Variants in ALLC observed in about 807,000 individuals in gnomAD.
ALLC encodes the protein allantoicase.
In ALLC, 40 loss-of-function variants were observed where a neutral mutation model predicts 45.0. That is an observed-to-expected ratio of 0.89 (90% CI 0.69 to 1.16). The LOEUF (loss-of-function observed/expected upper bound fraction) is 1.16. Among genes scored for constraint, ALLC ranks in the 50% most tolerant of loss-of-function variants. The pLI is 0.00. For synonymous variants in ALLC, 176 were observed against 178.1 expected (o/e 0.99, Z 0.09); for missense variants, 488 against 493.1 (o/e 0.99, Z 0.10).
intron 7 of ALLC, among the ~76,000 whole-genome samples, chr2:3,693,182 G>T (rs1667566495): frequency 6.6e-6 from 1 of 152,156 alleles, no homozygotes; most frequent in African/African-American, 2.4e-5. Context: ...CATTTCCAGA[G>T]ACCTGAAGTG....
At chr2:3,691,672 A>C (rs929945641) in intron 7 of ALLC, among the ~76,000 whole-genome samples, 5 of 152,134 alleles carry the variant, frequency 3.3e-5, no homozygotes, top group Non-Finnish European at 7.4e-5. Flanking sequence ...TCAAGTTTTG[A>C]AAAGTTTTCT....
At chr2:3,652,715 T>TG in the ALLC span, among the ~76,000 whole-genome samples, 1 of 151,296 alleles carries the variant, frequency 6.6e-6, no homozygotes, top group East Asian at 2.0e-4. Flanking sequence ...CCCAAGTAGC[T>TG]GGGACTATAG....
intron 7 of ALLC, among the ~76,000 whole-genome samples, chr2:3,690,680 A>C (rs1463412117): frequency 6.6e-6 from 1 of 151,748 alleles, no homozygotes; most frequent in Non-Finnish European, 1.5e-5. Flanking sequence ...AAAACAAAAA[A>C]AAACTCTACA....
chr2:3,656,903 C>G (rs747200941), upstream of ALLC, among the ~76,000 whole-genome samples: 5 of 151,946 alleles, frequency 3.3e-5, no homozygotes, highest in Admixed American at 2.6e-4. Context: ...CTAGGCTTAG[C>G]GAAACCACGA....
chr2:3,698,554 T>C (rs781547040), intron 10 of ALLC, among the ~76,000 whole-genome samples: 4 of 152,238 alleles, frequency 2.6e-5, no homozygotes, highest in Non-Finnish European at 4.4e-5. Flanking sequence ...TAAAAAATAT[T>C]TGGACAAACA....
rs771411217 is a variant in ALLC at position 3,678,547 on chromosome 2, G to A, written c.164G>A (p.Arg55Lys). The A allele has an allele frequency of 6.2e-7, 1 of 1,613,704 alleles. No homozygotes were observed. ...GATGGCTGGGAGACCAGGAGGAAAA[G>A]GATTCCAGGTAATAACAACGGTTCG... ...WMDGWETRRKRIPGHDWCVLR... is the reference protein window; with the variant it reads ...WMDGWETRRKKIPGHDWCVLR... The change falls in exon 4 of 12, where the codon AGG (arginine) becomes AAG (lysine). Residue 55 changes from arginine to lysine, a missense_variant. By Grantham distance (26) the Arg-to-Lys change is conservative. Transcript: ENST00000252505.
At chr2:3,701,166 TAGC>T (rs1469182316) in intron 10 of ALLC, among the ~76,000 whole-genome samples, 1 of 152,222 alleles carries the variant, frequency 6.6e-6, no homozygotes, top group Non-Finnish European at 1.5e-5. Flanking sequence ...ATGAGCCACA[TAGC>T]AGTCTGCAAG....
the ALLC span, among the ~76,000 whole-genome samples, chr2:3,649,986 C>CGA: frequency 6.6e-6 from 1 of 152,266 alleles, no homozygotes; most frequent in Admixed American, 6.5e-5. Context: ...TCAGCAGCGT[C>CGA]TAAGACGTTT....
chr2:3,700,272 T>C (rs1265274101), intron 10 of ALLC, among the ~76,000 whole-genome samples: 2 of 152,228 alleles, frequency 1.3e-5, no homozygotes, highest in African/African-American at 4.8e-5. Context: ...TCCCCATTGC[T>C]TGTTTTTTTA....
intron 7 of ALLC, among the ~76,000 whole-genome samples, chr2:3,689,228 C>T (rs1393709022): frequency 1.3e-5 from 2 of 150,634 alleles, no homozygotes; most frequent in Admixed American, 1.3e-4. Context: ...ATCCTCTGAT[C>T]TTTATTTTTT....
At chr2:3,665,842 C>T (rs1010232699) in intron 1 of ALLC, among the ~76,000 whole-genome samples, 1 of 152,126 alleles carries the variant, frequency 6.6e-6, no homozygotes, top group African/African-American at 2.4e-5. Flanking sequence ...AATGGGATTG[C>T]TGGGTCAAAT....
chr2:3,701,824 A>G (rs1667849418), intron 11 of ALLC, among the ~76,000 whole-genome samples, 188 bp downstream of exon 11: 1 of 152,198 alleles, frequency 6.6e-6, no homozygotes, highest in Non-Finnish European at 1.5e-5. Context: ...GTATTTCCAA[A>G]TTTTATTAGA....
chr2:3,697,313 G>T, intron 9 of ALLC, 35 bp from the exon 10 acceptor site: 1 of 1,565,224 alleles, frequency 6.4e-7, no homozygotes, highest in Non-Finnish European at 8.8e-7. Flanking sequence ...ATGACTCCAA[G>T]TTCGTTTACC....
chr2:3,681,085 C>A (rs750251801), intron 5 of ALLC, among the ~76,000 whole-genome samples: 2 of 152,140 alleles, frequency 1.3e-5, no homozygotes, highest in Non-Finnish European at 2.9e-5. Flanking sequence ...ATGTGCACAG[C>A]GCTGCATGAG....
At chr2:3,646,061 C>A in the ALLC span, among the ~76,000 whole-genome samples, 3 of 152,128 alleles carry the variant, frequency 2.0e-5, no homozygotes, top group Admixed American at 1.3e-4. Flanking sequence ...TTGCCCGCAG[C>A]CTTGGAAAAT....
chr2:3,654,660 G>C (rs1193725321), upstream of ALLC, among the ~76,000 whole-genome samples: 2 of 152,248 alleles, frequency 1.3e-5, no homozygotes, highest in East Asian at 3.8e-4. Context: ...GGATGACACA[G>C]TCAGTGCGTG....
intron 7 of ALLC, chr2:3,689,077 T>C (rs1202268271): frequency 6.6e-6 from 1 of 150,962 alleles, no homozygotes; most frequent in Non-Finnish European, 1.5e-5. Context: ...ATTTTTTATG[T>C]ATCCTTCTCT....
At chr2:3,687,812 G>A (rs1667367962) in intron 7 of ALLC, among the ~76,000 whole-genome samples, 2 of 150,860 alleles carry the variant, frequency 1.3e-5, no homozygotes, top group African/African-American at 2.4e-5. Context: ...TTTATTGATG[G>A]TATGTGACAG....
intron 8 of ALLC, 94 bp downstream of exon 8, chr2:3,695,966 A>G: frequency 7.7e-7 from 1 of 1,305,954 alleles, no homozygotes; most frequent in Non-Finnish European, 1.0e-6. Context: ...AAGGAAAGGC[A>G]CATCTCAAAG....
Sources: gnomAD v4.1 joint callset for allele counts (sites outside exome capture counted in the v4.1 genomes callset) on GRCh38, gnomAD v4.1.1 for gene constraint, MANE v1.5 for transcripts, NCBI Gene and HGNC (gene_info 2026-07-23, HGNC 2026-07-21) for gene names.